The following RCOR1 variants were observed in gnomAD, a reference collection of about 807,000 sequenced individuals.
RCOR1 encodes the protein REST corepressor.
A neutral mutation model predicts 64.0 loss-of-function variants in RCOR1; 12 were observed. The ratio of observed to expected loss-of-function variants is 0.19; its 90% CI spans 0.12 to 0.30. RCOR1 has a LOEUF of 0.30. Ranked by LOEUF, RCOR1 falls within the 10% of genes least tolerant of loss-of-function variation. The probability of loss-of-function intolerance (pLI) is 1.00; values close to 1 mark genes in which losing one functional copy is unlikely to be tolerated. For synonymous variants in RCOR1, 279 were observed against 227.2 expected, an observed-to-expected ratio of 1.23 and a Z score of -2.05; for missense variants, 502 against 621.2, an observed-to-expected ratio of 0.81 and a Z score of 2.04.
intron 3 of RCOR1, among the ~76,000 whole-genome samples, chr14:102,694,745 A>G (rs958930886): frequency 2.6e-5 from 4 of 152,180 alleles, no homozygotes; most frequent in Non-Finnish European, 5.9e-5. Flanking sequence ...AGGTGGCACA[A>G]TTGCTTTACT....
chr14:102,599,364 T>C (rs1015576312), intron 2 of RCOR1, among the ~76,000 whole-genome samples: 1 of 152,164 alleles, frequency 6.6e-6, no homozygotes, highest in Non-Finnish European at 1.5e-5. Flanking sequence ...ACTCCTTGGC[T>C]CAAGCCATCT....
At chr14:102,658,586 C>T (rs1894772092) in intron 2 of RCOR1, 1 of 985,182 alleles carries the variant, frequency 1.0e-6, no homozygotes, top group Non-Finnish European at 1.2e-6. Flanking sequence ...ACCTACCTAC[C>T]CCCCATCCTT....
intron 3 of RCOR1, among the ~76,000 whole-genome samples, chr14:102,697,633 C>CA (rs2139975253): frequency 6.6e-6 from 1 of 150,606 alleles, no homozygotes; most frequent in African/African-American, 2.4e-5. Context: ...ACCTAGTAGA[C>CA]ACACCATGTG....
chr14:102,726,134 C>T (rs1046430764), intron 11 of RCOR1, among the ~76,000 whole-genome samples: 2 of 151,892 alleles, frequency 1.3e-5, no homozygotes, highest in Non-Finnish European at 2.9e-5. Context: ...CGAGACCAGC[C>T]CGGCCAACAT....
chr14:102,681,339 T>C (rs1434299068), intron 2 of RCOR1, among the ~76,000 whole-genome samples: 3 of 152,204 alleles, frequency 2.0e-5, no homozygotes, highest in Non-Finnish European at 4.4e-5. Context: ...TTGTAATAGA[T>C]GACAGCCGCT....
intron 2 of RCOR1, among the ~76,000 whole-genome samples, chr14:102,612,958 CAAAA>C (rs34850806): frequency 3.1e-5 from 2 of 63,626 alleles, no homozygotes; most frequent in Non-Finnish European, 3.4e-5. Flanking sequence ...TATCTCTTAG[CAAAA>C]AAAAAAAAAA....
chr14:102,703,101 CA>C (rs1359218702), intron 4 of RCOR1, among the ~76,000 whole-genome samples: 6 of 152,094 alleles, frequency 3.9e-5, no homozygotes. Context: ...TAGACGTGCT[CA>C]AAGGCAGATT....
At chr14:102,696,168 T>G (rs551813635) in intron 3 of RCOR1, among the ~76,000 whole-genome samples, 1 of 152,258 alleles carries the variant, frequency 6.6e-6, no homozygotes, top group East Asian at 1.9e-4. Context: ...GTTTGTTCTC[T>G]TCTGTTGCCT....
At chr14:102,701,581 T>C (rs1468225706) in intron 4 of RCOR1, among the ~76,000 whole-genome samples, 41 of 152,228 alleles carry the variant, frequency 2.7e-4, no homozygotes, top group Admixed American at 2.7e-3. Flanking sequence ...TACTTAGTGA[T>C]TACTAAGGAG....
intron 3 of RCOR1, among the ~76,000 whole-genome samples, chr14:102,694,171 A>G (rs1895597016): frequency 6.6e-6 from 1 of 152,228 alleles, no homozygotes; most frequent in South Asian, 2.1e-4. Context: ...TAAGCTTCAG[A>G]CAAGTCACTT....
chr14:102,699,326 A>C (rs1895708995), intron 3 of RCOR1, among the ~76,000 whole-genome samples: 1 of 152,228 alleles, frequency 6.6e-6, no homozygotes. Context: ...TTTAAATATT[A>C]AATCGGAAAT....
At chr14:102,664,780 G>T (rs1894884787) in intron 2 of RCOR1, among the ~76,000 whole-genome samples, 1 of 152,178 alleles carries the variant, frequency 6.6e-6, no homozygotes, top group South Asian at 2.1e-4. Context: ...AGACACTGAA[G>T]ATACTATGGT....
chr14:102,595,410 G>A (rs1398859153), intron 2 of RCOR1, among the ~76,000 whole-genome samples: 1 of 152,126 alleles, frequency 6.6e-6, no homozygotes, highest in Admixed American at 6.6e-5. Context: ...TCTGAGGCTG[G>A]AGGATCTCTG....
At chr14:102,646,948 A>G (rs1894487945) in intron 2 of RCOR1, among the ~76,000 whole-genome samples, 1 of 152,262 alleles carries the variant, frequency 6.6e-6, no homozygotes, top group African/African-American at 2.4e-5. Context: ...AAAACAAAAC[A>G]GAAGGGAATA....
chr14:102,633,339 T>C (rs1894166473), intron 2 of RCOR1, among the ~76,000 whole-genome samples: 1 of 152,034 alleles, frequency 6.6e-6, no homozygotes, highest in African/African-American at 2.4e-5. Context: ...CTCCATACTT[T>C]GTGTTTTTCT....
At chr14:102,701,618 C>T (rs894544342) in intron 4 of RCOR1, among the ~76,000 whole-genome samples, 5 of 152,186 alleles carry the variant, frequency 3.3e-5, no homozygotes, top group African/African-American at 9.7e-5. Context: ...AATGCTTTCT[C>T]ATTTGAATAT....
chr14:102,691,891 T>C (rs1356091290), intron 3 of RCOR1, among the ~76,000 whole-genome samples: 1 of 152,226 alleles, frequency 6.6e-6, no homozygotes, highest in African/African-American at 2.4e-5. Flanking sequence ...TGGGGAAGCA[T>C]TCTTGGACCT....
At chr14:102,631,835 C>G (rs1432639175) in intron 2 of RCOR1, among the ~76,000 whole-genome samples, 1 of 152,088 alleles carries the variant, frequency 6.6e-6, no homozygotes, top group Admixed American at 6.5e-5. Context: ...GGGTCTCACT[C>G]TGTCGACCAG....
intron 3 of RCOR1, among the ~76,000 whole-genome samples, chr14:102,686,807 A>G (rs1895430990): frequency 2.6e-5 from 4 of 152,280 alleles, no homozygotes; most frequent in African/African-American, 9.6e-5. Context: ...GCTATGCCAC[A>G]GTTTATCTGG....
Sources: gnomAD v4.1 joint callset for allele counts (sites outside exome capture counted in the v4.1 genomes callset) on GRCh38, gnomAD v4.1.1 for gene constraint, MANE v1.5 for transcripts, NCBI Gene and HGNC (gene_info 2026-07-23, HGNC 2026-07-21) for gene names.